Variants in MYH4 observed in about 807,000 individuals in gnomAD.
The protein encoded by MYH4 is myosin-4.
In MYH4, 200 loss-of-function variants were observed where a neutral mutation model predicts 229.9. The observed-to-expected ratio is 0.87, with a 90% CI of 0.78 to 0.98. The LOEUF (loss-of-function observed/expected upper bound fraction) is 0.98. Among genes scored for constraint, MYH4 ranks in the 50% least tolerant of loss-of-function variants. The pLI is 0.00. For missense variants in MYH4, 2,148 were observed against 2,332.6 expected (o/e 0.92, Z 1.63); for synonymous variants, 761 against 834.6 (o/e 0.91, Z 1.52).
rs191774491 is a variant in MYH4, at chr17:10,462,835, A to G, written c.1008+30T>C. On this transcript the variant is annotated intron_variant, in intron 11 of 39. Transcript: ENST00000255381. ...GTGTTGTACACTGGAAAATGAATTT[A>G]CTTTTTACTACTTTGTACCTATTAC... 295 of 1,553,330 alleles carry G rather than the reference A, an allele frequency of 1.9e-4. No individual in the cohort carries two copies. In the Admixed American group the frequency reaches 2.5e-3, roughly 13 times the overall value.
In MYH4 at chr17:10,448,715, C is replaced by T. The variant is rs528647257; in HGVS notation, c.4434G>A (p.Ser1478=). Residue 1478 remains serine, a synonymous_variant, in exon 32 of 40, where the codon TCG becomes TCA. Coordinates refer to ENST00000255381, the MANE Select transcript of MYH4 (RefSeq NM_017533.2). Reference sequence around the variant, plus strand: ...TGAACAGCTCAGTGCTGAGAGAACGCGACTCCTTCTGGGAGGCCTCAAGTT... The same window carrying T: ...TGAACAGCTCAGTGCTGAGAGAACGTGACTCCTTCTGGGAGGCCTCAAGTT... ...QAELEASQKE[S]RSLSTELFKV... 37 of 1,614,124 alleles carry T rather than the reference C, an allele frequency of 2.3e-5. No homozygotes were observed. In the South Asian group the frequency reaches 2.5e-4, roughly 11 times the overall value.
At position 10,457,403 on chromosome 17, in the gene MYH4, G is replaced by A. The variant is rs1396050121; in HGVS notation, c.1897+17C>T. The A allele has an allele frequency of 1.9e-6, 3 of 1,578,928 alleles. No individual in the cohort carries two copies. Among genetic ancestry groups the A allele is most frequent in the Middle Eastern group, 1.7e-4 (1 of 5,852 alleles). The stretch of plus-strand genomic sequence containing the variant: ...ATTTTGTGACTCTTGTAACATATTA[G>A]TGCTATTAAACATGACCTGCTTCAG... On this transcript the variant is annotated intron_variant, in intron 16 of 39. Transcript: ENST00000255381.
Position 10,447,030 on chromosome 17 carries a change from G to A in MYH4, c.5152C>T (p.Gln1718Ter), listed in dbSNP as rs777509802. The A allele has an allele frequency of 6.2e-7, 1 of 1,613,990 alleles. No individual in the cohort carries two copies. Among genetic ancestry groups the A allele is most frequent in the South Asian group, 1.1e-5 (1 of 91,072 alleles). The change falls in exon 35 of 40, where the codon CAA (glutamine) becomes TAA (stop). Residue 1718 changes from glutamine to a stop codon, truncating the protein, a stop_gained. Coordinates refer to ENST00000255381, the MANE Select transcript of MYH4 (RefSeq NM_017533.2). LOFTEE classifies it high-confidence loss of function. The stretch of plus-strand genomic sequence containing the variant: ...AACCTCACCTGAGTGTGCAGAAGTT[G>A]CACACGTTCACTGGCATCCAGAAGC... ...QELLDASERV[Q>*]LLHTQNTSLI...
rs1314778324 is a variant in MYH4, at chr17:10,455,656, T to C, written c.2132A>G (p.Lys711Arg). 12 of 1,614,098 alleles carry C rather than the reference T, an allele frequency of 7.4e-6. No homozygotes were observed. The highest frequency in any genetic ancestry group is 1.0e-5 in the Non-Finnish European group (12 of 1,179,964). The change falls in exon 19 of 40, where the codon AAA becomes AGA. Residue 711 changes from lysine to arginine, a missense_variant. Physicochemically the swap from Lys to Arg is conservative, Grantham distance 26. Coordinates refer to ENST00000255381, the MANE Select transcript of MYH4 (RefSeq NM_017533.2). ...GVLEGIRICR[K>R]GFPSRILYAD... ...ATAAAGGATTCTGCTTGGGAAGCCT[T>C]TCCTGCAGATGCGGATGCCTTCCAG...
At chr17:10,462,557 G>A (rs538255162) in intron 11 of MYH4, among the ~76,000 whole-genome samples, 3 of 152,258 alleles carry the variant, frequency 2.0e-5, no homozygotes, top group Non-Finnish European at 2.9e-5. Flanking sequence ...GCATAAAATA[G>A]CAGAGAAACA....
chr17:10,465,584 G>A lies in MYH4; in HGVS notation c.363C>T (p.Leu121=), dbSNP rs1359209840. The change falls in exon 5 of 40, where the codon CTC becomes CTT. Residue 121 remains leucine (L), a synonymous_variant. Transcript: ENST00000255381. ...AAWMIYTYSG[L]FCVTVNPYKW... is the part of the protein sequence containing the mutation. ...TGTAGGGGTTGACGGTGACACAGAAGAGGCCCGAGTAGGTCTGTGGGAAAG... is the reference window on the plus strand; with the variant it reads ...TGTAGGGGTTGACGGTGACACAGAAAAGGCCCGAGTAGGTCTGTGGGAAAG... 5 of 1,614,108 alleles carry A rather than the reference G, an allele frequency of 3.1e-6. No individual in the cohort carries two copies. The highest frequency in any genetic ancestry group is 3.4e-6 in the Non-Finnish European group (4 of 1,180,004).
At chr17:10,464,446 T>C (rs1437412390) in intron 7 of MYH4, 26 bp downstream of exon 7, 1 of 1,584,910 alleles carries the variant, frequency 6.3e-7, no homozygotes, top group Admixed American at 1.7e-5. Context: ...TCTGTTATTC[T>C]GTCCTTAGAT....
chr17:10,452,033 G>T lies in MYH4; in HGVS notation c.3646C>A (p.Arg1216=). 1.9e-6 allele frequency: 3 copies of T among 1,613,712 alleles called. No individual in the cohort carries two copies. Among genetic ancestry groups the T allele is most frequent in the Non-Finnish European group, 2.5e-6 (3 of 1,179,890 alleles). Reference sequence around the variant, plus strand: ...TCCTTCTCCAGCTTCTGCTTGACCCGCTGAAGGCTGTCAATCTGCTCCCCA... The same window carrying T: ...TCCTTCTCCAGCTTCTGCTTGACCCTCTGAAGGCTGTCAATCTGCTCCCCA... ...ELGEQIDSLQ[R]VKQKLEKEKS... Residue 1216 remains arginine, a synonymous_variant, in exon 27 of 40, where the codon CGG becomes AGG. Coordinates refer to ENST00000255381, the MANE Select transcript of MYH4 (RefSeq NM_017533.2).
intron 15 of MYH4, 80 bp from the exon 16 acceptor site, chr17:10,457,809 T>C: frequency 6.7e-7 from 1 of 1,490,426 alleles, no homozygotes; most frequent in Non-Finnish European, 9.0e-7. Flanking sequence ...AAACTGAAAA[T>C]ACAATGTTTC....
At chr17:10,467,035 T>C (rs2072775474) in intron 2 of MYH4, among the ~76,000 whole-genome samples, 1 of 152,218 alleles carries the variant, frequency 6.6e-6, no homozygotes, top group Non-Finnish European at 1.5e-5. Context: ...AGTTGAGAAA[T>C]GTGGAGGAAT....
Position 10,457,694 on chromosome 17 carries a change from G to T in MYH4, c.1623C>A (p.Cys541Ter), listed in dbSNP as rs753125868. The change falls in exon 16 of 40, where the codon TGC becomes TGA. Residue 541 changes from cysteine to a stop codon, truncating the protein, a stop_gained. Coordinates refer to ENST00000255381, the MANE Select transcript of MYH4 (RefSeq NM_017533.2). LOFTEE classifies it high-confidence loss of function. ...MGIFSILEEE[C>*]MFPKATDTSF... ...AGGTGTCTGTTGCCTTGGGGAACAT[G>T]CACTCCTCTTCTAGGATGGAGAAGA... 5.0e-6 allele frequency: 8 copies of T among 1,614,150 alleles called. No individual in the cohort carries two copies. The highest frequency in any genetic ancestry group is 6.8e-6 in the Non-Finnish European group (8 of 1,180,000).
At chr17:10,456,364 T>C (rs2072638131) in intron 17 of MYH4, 121 bp downstream of exon 17, 1 of 801,714 alleles carries the variant, frequency 1.2e-6, no homozygotes, top group Non-Finnish European at 1.9e-6. Context: ...AGTAGTATAC[T>C]AAAAAGTATA....
intron 34 of MYH4, 130 bp downstream of exon 34, chr17:10,447,688 C>T: frequency 1.1e-6 from 1 of 931,638 alleles, no homozygotes; most frequent in South Asian, 1.8e-5. Context: ...GTGTGTATAA[C>T]TTTGAACTTT....
intron 12 of MYH4, 151 bp downstream of exon 12, chr17:10,460,765 A>G (rs546429387): frequency 1.3e-6 from 1 of 746,686 alleles, no homozygotes; most frequent in African/African-American, 1.7e-5. Context: ...TCTGCTAAAT[A>G]ATGTAAAACG....
rs1376281518 is a variant in MYH4, at chr17:10,450,620, C to CT, written c.4013dup (p.Ser1339ValfsTer5). ...GCAGGTCACAGTCATGGCGGGCTGA[C>CT]TGCAGGGCATGGGCCAGAGTGCTCT... On this transcript the variant is annotated frameshift_variant, in exon 30 of 40. Transcript: ENST00000255381. LOFTEE classifies it high-confidence loss of function. 1 of 1,614,054 alleles carries CT rather than the reference C, an allele frequency of 6.2e-7. No individual in the cohort carries two copies. Among genetic ancestry groups the CT allele is most frequent in the African/African-American group, 1.3e-5 (1 of 74,948 alleles).
rs901927685 is a variant in MYH4 at position 10,466,842 on chromosome 17, T to G, written c.-39-58A>C. 6.8e-6 allele frequency: 10 copies of G among 1,466,670 alleles called. No homozygotes were observed. The African/African-American group carries it at 1.4e-4, about 20-fold the overall frequency. The allele number at this position is 1,466,670 out of a possible 1,614,324, so 90.9% of individuals were successfully genotyped here. ...AGGGTTGGGGTGGAGAATTGTTCTGTTGATTTCATATTAATGTGCTTAATT... is the reference window on the plus strand; with the variant it reads ...AGGGTTGGGGTGGAGAATTGTTCTGGTGATTTCATATTAATGTGCTTAATT... On this transcript the variant is annotated intron_variant, in intron 2 of 39. Coordinates refer to ENST00000255381, the MANE Select transcript of MYH4 (RefSeq NM_017533.2).
chr17:10,455,371 T>C (rs535434939), intron 19 of MYH4, 76 bp from the exon 20 acceptor site: 24 of 1,486,950 alleles, frequency 1.6e-5, no homozygotes, highest in Admixed American at 4.1e-5. Context: ...GTAGCTATCA[T>C]TGAAAAGATG....
Position 10,463,465 on chromosome 17 carries a change from G to T in MYH4, c.742-64C>A. The T allele has an allele frequency of 9.5e-6, 15 of 1,581,376 alleles. 1 individual carries two copies. The South Asian group carries it at 1.5e-4, about 15-fold the overall frequency. ...ATCAGAAACTATTTCTTTAGCTGTG[G>T]ACCAAACAGGTGGAAAAAATATTGA... is the stretch of plus-strand genomic sequence containing the variant. On this transcript the variant is annotated intron_variant, in intron 8 of 39. Coordinates refer to ENST00000255381, the MANE Select transcript of MYH4 (RefSeq NM_017533.2).
chr17:10,460,926 A>T lies in MYH4; in HGVS notation c.1137T>A (p.Asp379Glu), dbSNP rs766676958. 1.2e-6 allele frequency: 2 copies of T among 1,614,088 alleles called. No individual in the cohort carries two copies. Among genetic ancestry groups the T allele is most frequent in the Non-Finnish European group, 1.7e-6 (2 of 1,179,988 alleles). The change falls in exon 12 of 40, where the codon GAT becomes GAA. Residue 379 changes from aspartate (D) to glutamate (E), a missense_variant. By Grantham distance (45) the Asp-to-Glu change is conservative. Coordinates refer to ENST00000255381, the MANE Select transcript of MYH4 (RefSeq NM_017533.2). ...AACAGGGGGTGGTACCTTCCGTGCCATCTGGCTCTGCCTGCTCTTCCCTTT... is the reference window on the plus strand; with the variant it reads ...AACAGGGGGTGGTACCTTCCGTGCCTTCTGGCTCTGCCTGCTCTTCCCTTT... Reference protein sequence around the residue: ...QKQREEQAEPDGTEVADKAAY... With the variant: ...QKQREEQAEPEGTEVADKAAY...
Sources: allele counts gnomAD v4.1 joint callset (sites outside exome capture counted in the v4.1 genomes callset), GRCh38; gene constraint gnomAD v4.1.1; transcripts MANE v1.5; gene names NCBI Gene and HGNC (gene_info 2026-07-23, HGNC 2026-07-21).